Variants in PTPRQ observed in about 807,000 individuals in gnomAD.
PTPRQ encodes the protein protein tyrosine phosphatase receptor type Q.
PTPRQ carries 199 observed loss-of-function variants against 246.0 expected under a neutral mutation model. That is an observed-to-expected ratio of 0.81 (90% confidence interval 0.72 to 0.91). The LOEUF is 0.91. Ranked by LOEUF, PTPRQ falls within the 40% of genes least tolerant of loss-of-function variation. PTPRQ has a pLI of 0.00. For missense variants in PTPRQ, 2,624 were observed against 2,528.4 expected (o/e 1.04, Z -0.81); for synonymous variants, 869 against 853.2 (o/e 1.02, Z -0.32).
intron 25 of PTPRQ, among the ~76,000 whole-genome samples, chr12:80,577,959 C>T (rs923836119): frequency 2.0e-5 from 3 of 152,104 alleles, no homozygotes; most frequent in African/African-American, 7.2e-5. Context: ...GAACGGTATA[C>T]TTACAATCTC....
chr12:80,604,334 A>G (rs1284853963), intron 26 of PTPRQ, among the ~76,000 whole-genome samples: 1 of 151,572 alleles, frequency 6.6e-6, no homozygotes, highest in Non-Finnish European at 1.5e-5. Flanking sequence ...TATCTCTCCT[A>G]ATTCCCAGTG....
At chr12:80,597,946 T>A (rs1898023206) in intron 26 of PTPRQ, among the ~76,000 whole-genome samples, 1 of 152,008 alleles carries the variant, frequency 6.6e-6, no homozygotes, top group Non-Finnish European at 1.5e-5. Context: ...GATTCCAAAG[T>A]AATAGTAGTA....
chr12:80,535,253 C>T (rs2120810613), intron 19 of PTPRQ, among the ~76,000 whole-genome samples: 1 of 151,754 alleles, frequency 6.6e-6, no homozygotes, highest in East Asian at 1.9e-4. Context: ...ACACATACAA[C>T]TTCTATATAA....
At chr12:80,660,501 A>G (rs2121256896) in intron 39 of PTPRQ, among the ~76,000 whole-genome samples, 1 of 152,194 alleles carries the variant, frequency 6.6e-6, no homozygotes, top group Non-Finnish European at 1.5e-5. Context: ...CACCAACTGT[A>G]CAAATGAGTT....
At chr12:80,670,888 G>T (rs1183707663) in intron 42 of PTPRQ, among the ~76,000 whole-genome samples, 1 of 152,052 alleles carries the variant, frequency 6.6e-6, no homozygotes, top group Admixed American at 6.6e-5. Flanking sequence ...AATATACTGT[G>T]TTGATATTTG....
chr12:80,480,361 C>T (rs142723923), intron 8 of PTPRQ, among the ~76,000 whole-genome samples: 10,643 of 151,994 alleles, frequency 0.07, 521 homozygotes, highest in East Asian at 0.27. Flanking sequence ...ATATCTGGGA[C>T]GCATTCAAAG....
At chr12:80,477,861 C>G (rs1242176614) in intron 8 of PTPRQ, among the ~76,000 whole-genome samples, 1 of 152,242 alleles carries the variant, frequency 6.6e-6, no homozygotes, top group Admixed American at 6.5e-5. Context: ...ATATCCCACA[C>G]CTGGCTCGGA....
chr12:80,630,170 G>A (rs1453361445), intron 33 of PTPRQ, among the ~76,000 whole-genome samples: 1 of 151,942 alleles, frequency 6.6e-6, no homozygotes, highest in Non-Finnish European at 1.5e-5. Flanking sequence ...GATCCAAATA[G>A]GAATTTACAC....
intron 14 of PTPRQ, among the ~76,000 whole-genome samples, chr12:80,503,102 T>C (rs1218968182): frequency 6.6e-6 from 1 of 151,708 alleles, no homozygotes; most frequent in Non-Finnish European, 1.5e-5. Flanking sequence ...GAGTAATAAA[T>C]GCAACTACCC....
At chr12:80,571,099 T>G (rs1294059612) in intron 25 of PTPRQ, among the ~76,000 whole-genome samples, 1 of 152,150 alleles carries the variant, frequency 6.6e-6, no homozygotes, top group Non-Finnish European at 1.5e-5. Flanking sequence ...TTTAAAGTGG[T>G]TTTTTTCTAA....
intron 17 of PTPRQ, among the ~76,000 whole-genome samples, chr12:80,520,645 A>T (rs921665306): frequency 9.2e-5 from 14 of 151,660 alleles, no homozygotes; most frequent in Admixed American, 3.3e-4. Context: ...TTTGCTGAGA[A>T]TGATGGTTTC....
intron 17 of PTPRQ, among the ~76,000 whole-genome samples, chr12:80,521,674 G>A (rs376979491): frequency 4.6e-5 from 7 of 152,110 alleles, no homozygotes; most frequent in African/African-American, 1.7e-4. Flanking sequence ...GATAGTTGTA[G>A]ATATGAGGCG....
intron 25 of PTPRQ, among the ~76,000 whole-genome samples, chr12:80,578,033 T>G (rs1339412709): frequency 6.6e-6 from 1 of 152,130 alleles, no homozygotes. Context: ...AGAGTGACGT[T>G]GTAAGAATGG....
At chr12:80,449,383 G>T (rs1892668484) in intron 3 of PTPRQ, among the ~76,000 whole-genome samples, 1 of 152,142 alleles carries the variant, frequency 6.6e-6, no homozygotes, top group Non-Finnish European at 1.5e-5. Context: ...AGTTTAATGA[G>T]ATCCCATTTG....
At chr12:80,629,569 G>A (rs958797309) in intron 33 of PTPRQ, among the ~76,000 whole-genome samples, 8 of 152,040 alleles carry the variant, frequency 5.3e-5, no homozygotes, top group African/African-American at 1.7e-4. Context: ...GCAAGGTGGG[G>A]ACTGGAAGGG....
chr12:80,517,191 A>C (rs141356053), intron 17 of PTPRQ, among the ~76,000 whole-genome samples: 1 of 152,092 alleles, frequency 6.6e-6, no homozygotes, highest in Non-Finnish European at 1.5e-5. Flanking sequence ...AAATGAGTAG[A>C]TCTCTTGTAA....
intron 35 of PTPRQ, among the ~76,000 whole-genome samples, chr12:80,646,774 G>A (rs1900089886): frequency 6.6e-6 from 1 of 152,022 alleles, no homozygotes; most frequent in Non-Finnish European, 1.5e-5. Context: ...TCTTTAGGGA[G>A]AGATTTTAAA....
At chr12:80,650,666 C>T (rs1900226047) in intron 37 of PTPRQ, among the ~76,000 whole-genome samples, 1 of 150,890 alleles carries the variant, frequency 6.6e-6, no homozygotes, top group Admixed American at 6.6e-5. Context: ...AAATATTGGT[C>T]TGGACTTAAC....
At chr12:80,511,504 G>A (rs1227226110) in intron 17 of PTPRQ, among the ~76,000 whole-genome samples, 1 of 152,080 alleles carries the variant, frequency 6.6e-6, no homozygotes, top group Non-Finnish European at 1.5e-5. Flanking sequence ...ACATAAGACC[G>A]TTGCCCTCAA....
Sources: gnomAD v4.1 joint callset for allele counts (sites outside exome capture counted in the v4.1 genomes callset) on GRCh38, gnomAD v4.1.1 for gene constraint, MANE v1.5 for transcripts, NCBI Gene and HGNC (gene_info 2026-07-23, HGNC 2026-07-21) for gene names.